Variants in DIP2C observed in about 807,000 individuals in gnomAD.
The protein encoded by DIP2C is disco-interacting protein 2 homolog C.
A neutral mutation model predicts 192.4 loss-of-function variants in DIP2C; 33 were observed. That is an observed-to-expected ratio of 0.17 (90% CI 0.13 to 0.23). The LOEUF (loss-of-function observed/expected upper bound fraction) is 0.23. Among genes scored for constraint, DIP2C ranks in the 10% least tolerant of loss-of-function variants. The pLI, the probability that DIP2C is intolerant of heterozygous loss-of-function variation, is 1.00. For synonymous variants in DIP2C, 979 were observed against 864.1 expected (o/e 1.13, Z -2.33); for missense variants, 1,537 against 2,110.1 (o/e 0.73, Z 5.32).
intron 1 of DIP2C, among the ~76,000 whole-genome samples, chr10:622,624 G>A (rs1489635785): frequency 6.6e-6 from 1 of 150,790 alleles, no homozygotes; most frequent in Non-Finnish European, 1.5e-5. Flanking sequence ...CCCTTTCGCC[G>A]ATGGGCCAAT....
chr10:279,398 T>C (rs1954694502), intron 36 of DIP2C, among the ~76,000 whole-genome samples: 1 of 152,198 alleles, frequency 6.6e-6, no homozygotes, highest in Admixed American at 6.5e-5. Context: ...AGCTTGGCTC[T>C]CTGGAGGAAC....
intron 3 of DIP2C, among the ~76,000 whole-genome samples, chr10:470,596 T>A (rs1017428404): frequency 5.3e-5 from 8 of 152,170 alleles, no homozygotes; most frequent in African/African-American, 1.9e-4. Context: ...GCCATGCTTA[T>A]CTCGTGGAGT....
At chr10:637,433 GA>G (rs1344011349) in intron 1 of DIP2C, among the ~76,000 whole-genome samples, 2 of 152,228 alleles carry the variant, frequency 1.3e-5, no homozygotes, top group African/African-American at 4.8e-5. Context: ...CTCAGGCTAG[GA>G]AGTCCATGGT....
chr10:532,640 A>C (rs1403941661), intron 1 of DIP2C, among the ~76,000 whole-genome samples: 1 of 106,704 alleles, frequency 9.4e-6, no homozygotes, highest in Non-Finnish European at 1.9e-5. Context: ...TGTGAGAGAG[A>C]GTATGGGTGT....
chr10:353,555 AT>A (rs564837342), intron 24 of DIP2C, among the ~76,000 whole-genome samples: 4 of 151,154 alleles, frequency 2.6e-5, no homozygotes, highest in Non-Finnish European at 4.4e-5. Flanking sequence ...ACACCCAGCT[AT>A]TTTTTTTTGT....
At chr10:577,937 CCTT>C (rs908909684) in intron 1 of DIP2C, among the ~76,000 whole-genome samples, 1 of 151,932 alleles carries the variant, frequency 6.6e-6, no homozygotes, top group Non-Finnish European at 1.5e-5. Flanking sequence ...GACAGACTGT[CCTT>C]CTGTTCTGAA....
chr10:354,703 A>T (rs1259692578), intron 24 of DIP2C, among the ~76,000 whole-genome samples: 1 of 151,900 alleles, frequency 6.6e-6, no homozygotes, highest in Non-Finnish European at 1.5e-5. Flanking sequence ...AGGGGTAGCC[A>T]CCTCTGTGAG....
intron 17 of DIP2C, among the ~76,000 whole-genome samples, chr10:374,159 TACAC>T (rs775699719): frequency 6.6e-6 from 1 of 152,352 alleles, no homozygotes; most frequent in East Asian, 1.9e-4. Flanking sequence ...GCTGGTTTGT[TACAC>T]ACAGTGTTTA....
chr10:577,591 A>G (rs1432819613), intron 1 of DIP2C, among the ~76,000 whole-genome samples: 3 of 152,218 alleles, frequency 2.0e-5, no homozygotes, highest in African/African-American at 7.2e-5. Context: ...GCATGATGGG[A>G]TGAAGGGCCC....
intron 36 of DIP2C, among the ~76,000 whole-genome samples, chr10:277,831 G>C (rs554922450): frequency 7.9e-5 from 12 of 152,000 alleles, no homozygotes; most frequent in Non-Finnish European, 1.6e-4. Context: ...ATCTTCCCGA[G>C]TTCCCATTTC....
chr10:586,838 CCCCCACATTTTGTGGGGAAAA>C (rs1270243720), intron 1 of DIP2C, among the ~76,000 whole-genome samples: 1 of 140,748 alleles, frequency 7.1e-6, no homozygotes, highest in Non-Finnish European at 1.5e-5. Flanking sequence ...CAAATGCTGC[CCCCCACATTTTGTGGGGAAAA>C]CCCCACAACA....
intron 1 of DIP2C, among the ~76,000 whole-genome samples, chr10:592,337 TCAC>T (rs573153751): frequency 1.8e-4 from 27 of 152,212 alleles, no homozygotes; most frequent in Admixed American, 1.0e-3. Context: ...GGATGTTATA[TCAC>T]CACATTATCT....
chr10:473,467 T>G (rs571303598), intron 2 of DIP2C, among the ~76,000 whole-genome samples: 1 of 150,142 alleles, frequency 6.7e-6, no homozygotes, highest in South Asian at 2.1e-4. Flanking sequence ...ATCCCCACAG[T>G]TCTGTGAACG....
rs1326961100 is a variant in DIP2C at position 496,091 on chromosome 10, ACGG to A, written c.86-9564_86-9562del. 4.3e-5 allele frequency among the ~76,000 whole-genome samples: 6 copies of A among 139,010 alleles called. No homozygotes were observed. The East Asian group carries it at 8.0e-4, about 19-fold the overall frequency. The allele number at this position is 139,010 out of a possible 152,430, so 91.2% of individuals were successfully genotyped here. On this transcript the variant is annotated intron_variant, in intron 1 of 36. Transcript: ENST00000280886. ...CTTGAGTGCTGAGTACACAGAACCC[ACGG>A]TGCCCTCCCGTGTACTTAAAATCTC...
chr10:557,597 G>A (rs1342352505), intron 1 of DIP2C, among the ~76,000 whole-genome samples: 3 of 139,732 alleles, frequency 2.1e-5, no homozygotes, highest in East Asian at 4.2e-4. Flanking sequence ...ACAATACCAA[G>A]TGAAAAACAA....
intron 10 of DIP2C, among the ~76,000 whole-genome samples, chr10:391,716 G>T (rs1406282886): frequency 6.6e-6 from 1 of 152,198 alleles, no homozygotes; most frequent in Non-Finnish European, 1.5e-5. Flanking sequence ...TAGTGAGCAA[G>T]TCACCGTCTT....
chr10:344,309 G>T (rs1015920559), intron 28 of DIP2C, among the ~76,000 whole-genome samples: 5 of 151,432 alleles, frequency 3.3e-5, no homozygotes, highest in African/African-American at 9.7e-5. Flanking sequence ...AGAACTGTGC[G>T]AGGTAAAGCC....
intron 29 of DIP2C, among the ~76,000 whole-genome samples, chr10:337,254 G>A (rs2132522090): frequency 6.7e-6 from 1 of 148,878 alleles, no homozygotes; most frequent in Non-Finnish European, 1.5e-5. Context: ...TGTGTGTTGT[G>A]GAGGCCTAGG....
At chr10:548,460 GAGGGAGGC>G (rs1848416029) in intron 1 of DIP2C, among the ~76,000 whole-genome samples, 3 of 140,098 alleles carry the variant, frequency 2.1e-5, no homozygotes, top group Admixed American at 7.0e-5. Context: ...GGGAGGGAGG[GAGGGAGGC>G]AGGCAGGCAG....
Sources: allele counts gnomAD v4.1 joint callset (sites outside exome capture counted in the v4.1 genomes callset), GRCh38; gene constraint gnomAD v4.1.1; transcripts MANE v1.5; gene names NCBI Gene and HGNC (gene_info 2026-07-23, HGNC 2026-07-21).